Variants in LRP1B observed in about 807,000 individuals in gnomAD.
The protein encoded by LRP1B is low-density lipoprotein receptor-related protein 1B.
Under a neutral mutation model 556.6 loss-of-function variants are expected in LRP1B, and 217 were observed. The ratio of observed to expected loss-of-function variants is 0.39; its 90% CI spans 0.35 to 0.44. The LOEUF (loss-of-function observed/expected upper bound fraction) is 0.44, where lower values mean the gene tolerates loss of function less well. Ranked by LOEUF, LRP1B falls within the 20% of genes least tolerant of loss-of-function variation. The probability of loss-of-function intolerance (pLI) is 1.00; values close to 1 mark genes in which losing one functional copy is unlikely to be tolerated. For missense variants in LRP1B, 5,053 were observed against 5,620.8 expected, an observed-to-expected ratio of 0.90 and a Z score of 3.23; for synonymous variants, 2,047 against 1,865.8, an observed-to-expected ratio of 1.10 and a Z score of -2.50.
chr2:141,610,438 A>T (rs1206321732), intron 2 of LRP1B, among the ~76,000 whole-genome samples: 1 of 150,618 alleles, frequency 6.6e-6, no homozygotes, highest in Non-Finnish European at 1.5e-5. Context: ...CTAAGCTGCC[A>T]CGTGTTTGCT....
intron 1 of LRP1B, among the ~76,000 whole-genome samples, chr2:141,864,152 A>G (rs895315951): frequency 2.0e-5 from 3 of 152,224 alleles, no homozygotes. Context: ...ACCAGTCCTG[A>G]GTATAAATGA....
At chr2:140,969,570 C>T (rs567792682) in intron 18 of LRP1B, among the ~76,000 whole-genome samples, 22 of 152,206 alleles carry the variant, frequency 1.4e-4, no homozygotes, top group Admixed American at 1.2e-3. Flanking sequence ...GTCATTATAA[C>T]GTTAGCTGGT....
At chr2:141,099,407 G>A (rs1046913035) in intron 7 of LRP1B, among the ~76,000 whole-genome samples, 3 of 152,292 alleles carry the variant, frequency 2.0e-5, no homozygotes, top group African/African-American at 7.2e-5. Context: ...GACAAGAAGT[G>A]GACAGGACTT....
chr2:142,097,740 T>C (rs1277077369), intron 1 of LRP1B, among the ~76,000 whole-genome samples: 1 of 151,688 alleles, frequency 6.6e-6, no homozygotes, highest in East Asian at 1.9e-4. Context: ...ACTAAGAAGT[T>C]AGAAGTTACT....
chr2:140,374,392 A>G (rs571436138), intron 68 of LRP1B, among the ~76,000 whole-genome samples: 2 of 152,318 alleles, frequency 1.3e-5, no homozygotes, highest in African/African-American at 4.8e-5. Flanking sequence ...TATAAGGAAA[A>G]AGAGTTCACT....
chr2:141,655,374 G>A (rs1308397033), intron 2 of LRP1B, among the ~76,000 whole-genome samples: 2 of 152,086 alleles, frequency 1.3e-5, no homozygotes, highest in Non-Finnish European at 2.9e-5. Context: ...TTGAGTTATA[G>A]AGCCCTCCCT....
intron 1 of LRP1B, among the ~76,000 whole-genome samples, chr2:141,838,868 G>A (rs972742857): frequency 1.3e-5 from 2 of 152,086 alleles, no homozygotes; most frequent in African/African-American, 4.8e-5. Flanking sequence ...TCCCTTCTCT[G>A]TTATAGTACT....
intron 41 of LRP1B, among the ~76,000 whole-genome samples, chr2:140,642,919 T>C (rs1684353994): frequency 6.6e-6 from 1 of 152,194 alleles, no homozygotes; most frequent in African/African-American, 2.4e-5. Flanking sequence ...TAATATCTTT[T>C]GTGACTCTCT....
intron 41 of LRP1B, among the ~76,000 whole-genome samples, chr2:140,602,304 A>G (rs961195246): frequency 6.6e-6 from 1 of 152,154 alleles, no homozygotes; most frequent in Non-Finnish European, 1.5e-5. Flanking sequence ...CCTAATACAT[A>G]AAAGTGACAA....
At chr2:141,717,261 C>G (rs1450576313) in intron 2 of LRP1B, among the ~76,000 whole-genome samples, 1 of 152,192 alleles carries the variant, frequency 6.6e-6, no homozygotes, top group African/African-American at 2.4e-5. Flanking sequence ...TGTACCAAGA[C>G]AGCCCTTTTT....
At chr2:142,087,829 T>C (rs1175650196) in intron 1 of LRP1B, among the ~76,000 whole-genome samples, 3 of 152,090 alleles carry the variant, frequency 2.0e-5, no homozygotes, top group Admixed American at 6.6e-5. Flanking sequence ...TGCACATAGA[T>C]AGCAAGCTGT....
At chr2:141,019,230 A>T (rs1697997162) in intron 12 of LRP1B, among the ~76,000 whole-genome samples, 1 of 152,122 alleles carries the variant, frequency 6.6e-6, no homozygotes. Flanking sequence ...ATTCTAAAAC[A>T]AGTAATACAT....
chr2:141,062,283 G>T lies in LRP1B; in HGVS notation c.1014-10C>A. The T allele has an allele frequency of 1.3e-6, 2 of 1,587,458 alleles. No homozygotes were observed. Among genetic ancestry groups the T allele is most frequent in the Non-Finnish European group, 1.7e-6 (2 of 1,162,674 alleles). On this transcript the variant is annotated splice_polypyrimidine_tract_variant and intron_variant, in intron 7 of 90. Transcript: ENST00000389484. ...AGTAAAGAAAAGTTTTCTGTTGAAA[G>T]AAAACTAAATGTTAAAGTGGAGGGT...
intron 2 of LRP1B, among the ~76,000 whole-genome samples, chr2:141,540,751 A>G (rs1685230459): frequency 6.6e-6 from 1 of 152,044 alleles, no homozygotes; most frequent in Non-Finnish European, 1.5e-5. Flanking sequence ...CTATTTTAGG[A>G]TCACTGAAAT....
At chr2:141,575,290 C>T (rs1686695240) in intron 2 of LRP1B, among the ~76,000 whole-genome samples, 1 of 152,054 alleles carries the variant, frequency 6.6e-6, no homozygotes, top group African/African-American at 2.4e-5. Flanking sequence ...AGGACAGACA[C>T]CTTAGAAATA....
At chr2:141,135,173 T>C (rs1046303296) in intron 7 of LRP1B, among the ~76,000 whole-genome samples, 3 of 151,874 alleles carry the variant, frequency 2.0e-5, no homozygotes, top group African/African-American at 4.8e-5. Flanking sequence ...TAAATACTTT[T>C]AGTAAAAAAT....
intron 2 of LRP1B, among the ~76,000 whole-genome samples, chr2:141,619,702 C>T (rs747638300): frequency 9.9e-5 from 15 of 152,114 alleles, no homozygotes; most frequent in Non-Finnish European, 1.6e-4. Flanking sequence ...AAAACAGCAA[C>T]GTCTCTTTAG....
intron 1 of LRP1B, among the ~76,000 whole-genome samples, chr2:141,994,746 AAAT>A (rs1199544028): frequency 1.3e-5 from 2 of 152,088 alleles, no homozygotes; most frequent in Non-Finnish European, 2.9e-5. Context: ...CCCATATATA[AAAT>A]AATATTACTT....
intron 71 of LRP1B, among the ~76,000 whole-genome samples, chr2:140,368,910 T>C (rs1682873279): frequency 6.6e-6 from 1 of 151,818 alleles, no homozygotes; most frequent in South Asian, 2.1e-4. Context: ...ACCACTAAAA[T>C]ATGTCATTGG....
Sources: gnomAD v4.1 joint callset for allele counts (sites outside exome capture counted in the v4.1 genomes callset) on GRCh38, gnomAD v4.1.1 for gene constraint, MANE v1.5 for transcripts, NCBI Gene and HGNC (gene_info 2026-07-23, HGNC 2026-07-21) for gene names.